The following COL14A1 variants were observed in gnomAD, a reference collection of about 807,000 sequenced individuals.
COL14A1 encodes the protein collagen type XIV alpha 1 chain.
In COL14A1, 136 loss-of-function variants were observed where a neutral mutation model predicts 230.3. The ratio of observed to expected loss-of-function variants is 0.59; its 90% CI spans 0.51 to 0.68. COL14A1 has a LOEUF of 0.68. Among genes scored for constraint, COL14A1 ranks in the 30% least tolerant of loss-of-function variants. The pLI, the probability that COL14A1 is intolerant of heterozygous loss-of-function variation, is 0.00. For synonymous variants in COL14A1, 792 were observed against 784.1 expected, an observed-to-expected ratio of 1.01 and a Z score of -0.17; for missense variants, 1,976 against 2,215.8, an observed-to-expected ratio of 0.89 and a Z score of 2.17.
At chr8:120,140,686 A>G (rs1814877450) in intron 1 of COL14A1, among the ~76,000 whole-genome samples, 3 of 152,194 alleles carry the variant, frequency 2.0e-5, no homozygotes, top group African/African-American at 7.2e-5. Flanking sequence ...CGTTAGGATA[A>G]ATATTTAAGG....
At chr8:120,200,840 C>T (rs1211520658) in intron 8 of COL14A1, among the ~76,000 whole-genome samples, 1 of 147,692 alleles carries the variant, frequency 6.8e-6, no homozygotes, top group African/African-American at 2.5e-5. Flanking sequence ...CAAGTACAGT[C>T]TAAGAACAGC....
At chr8:120,157,183 A>G (rs1183842455) in intron 2 of COL14A1, among the ~76,000 whole-genome samples, 1 of 152,190 alleles carries the variant, frequency 6.6e-6, no homozygotes, top group Non-Finnish European at 1.5e-5. Flanking sequence ...AAGATAAAAC[A>G]TTCTGGGCTG....
intron 19 of COL14A1, among the ~76,000 whole-genome samples, chr8:120,237,814 T>G (rs1818494865): frequency 6.6e-6 from 1 of 152,162 alleles, no homozygotes. Flanking sequence ...GTCCTTTTTG[T>G]TGATGTTGAT....
intron 1 of COL14A1, among the ~76,000 whole-genome samples, chr8:120,131,407 T>A (rs190787165): frequency 4.5e-4 from 69 of 151,964 alleles, no homozygotes; most frequent in Admixed American, 3.9e-3. Context: ...GCCATTCTGA[T>A]TGGTGTGAGA....
At position 120,345,519 on chromosome 8, in the gene COL14A1, G is replaced by C; in HGVS notation, c.5033G>C (p.Gly1678Ala). 6.3e-7 allele frequency: 1 copy of C among 1,576,390 alleles called. No homozygotes were observed. Among genetic ancestry groups the C allele is most frequent in the Non-Finnish European group, 8.6e-7 (1 of 1,166,798 alleles). The change falls in exon 45 of 48, where the codon GGC becomes GCC. Residue 1678 changes from glycine (G) to alanine (A), a missense_variant. Physicochemically the swap from Gly to Ala is moderately conservative, Grantham distance 60. Transcript: ENST00000297848. Reference protein sequence around the residue: ...PGEQGPPGTPGFPGNAGVPGT... With the variant: ...PGEQGPPGTPAFPGNAGVPGT... The stretch of plus-strand genomic sequence containing the variant: ...GAACAAGGACCCCCAGGCACACCAG[G>C]CTTCCCCGGAAATGCAGGCGTGCCA...
At chr8:120,213,857 T>C in intron 13 of COL14A1, 1 of 346,890 alleles carries the variant, frequency 2.9e-6, no homozygotes, top group Non-Finnish European at 5.5e-6. Flanking sequence ...TGTAATAGAA[T>C]TCCAGAAAAA....
chr8:120,244,517 T>A (rs1027439117), intron 20 of COL14A1, among the ~76,000 whole-genome samples: 7 of 152,156 alleles, frequency 4.6e-5, no homozygotes, highest in African/African-American at 1.4e-4. Flanking sequence ...CAATTGGTAG[T>A]CTCTTATCCC....
rs1404854499 is a variant in COL14A1 at position 120,266,838 on chromosome 8, A to G, written c.3028A>G (p.Thr1010Ala). ...CCTTTCCTTTACAGAATCACTTCCT[A>G]CACGACCACCAACTTTTCCTCCAAC... ...SIMEKTQSLP[T>A]RPPTFPPTIP... The change falls in exon 25 of 48, where the codon ACA (threonine) becomes GCA (alanine). Residue 1010 changes from threonine (T) to alanine (A), a missense_variant. Thr to Ala is a moderately conservative substitution (Grantham distance 58). Coordinates refer to ENST00000297848, the MANE Select transcript of COL14A1 (RefSeq NM_021110.4). The G allele has an allele frequency of 1.9e-6, 3 of 1,612,332 alleles. No homozygotes were observed. The highest frequency in any genetic ancestry group is 1.1e-5 in the South Asian group (1 of 91,010).
chr8:120,212,538 G>A lies in COL14A1; in HGVS notation c.1558G>A (p.Glu520Lys), dbSNP rs780795981. ...AGTCACAGTTTATGCCATGTTTGGA[G>A]AAGAGGCCAGTGATCCTGTTACGGG... The part of the protein sequence containing the change: ...YTVTVYAMFG[E>K]EASDPVTGQE... Residue 520 changes from glutamate to lysine, a missense_variant, in exon 13 of 48, where the codon GAA becomes AAA. By Grantham distance (56) the Glu-to-Lys change is moderately conservative (BLOSUM62 1). This residue lies in a region of COL14A1 where 1,791 missense variants were observed against 2,019.5 expected (regional missense o/e 0.89). Coordinates refer to ENST00000297848, the MANE Select transcript of COL14A1 (RefSeq NM_021110.4). 3.7e-6 allele frequency: 6 copies of A among 1,613,604 alleles called. No homozygotes were observed. In the African/African-American group the frequency reaches 4.0e-5, roughly 11 times the overall value.
chr8:120,303,976 T>C (rs1820789993), intron 36 of COL14A1, among the ~76,000 whole-genome samples: 1 of 152,134 alleles, frequency 6.6e-6, no homozygotes, highest in South Asian at 2.1e-4. Context: ...TGGGAGGGTG[T>C]ATGTGTCCAG....
chr8:120,291,425 G>A (rs7813754), intron 34 of COL14A1, among the ~76,000 whole-genome samples: 2,341 of 151,710 alleles, frequency 0.015, 59 homozygotes, highest in African/African-American at 0.053. Flanking sequence ...GCCGGATGTG[G>A]TGGCACGCAC....
intron 1 of COL14A1, among the ~76,000 whole-genome samples, chr8:120,132,943 C>T (rs930120043): frequency 1.3e-5 from 2 of 152,096 alleles, no homozygotes; most frequent in African/African-American, 4.8e-5. Context: ...TCCGGCCGGG[C>T]GCGGTGGCTC....
intron 7 of COL14A1, among the ~76,000 whole-genome samples, chr8:120,198,990 C>T (rs1817138206): frequency 6.6e-6 from 1 of 152,102 alleles, no homozygotes; most frequent in African/African-American, 2.4e-5. Flanking sequence ...CCCTTCTACT[C>T]CTAAAAAACA....
intron 8 of COL14A1, among the ~76,000 whole-genome samples, chr8:120,202,736 C>T (rs902736364): frequency 4.0e-5 from 6 of 151,810 alleles, no homozygotes; most frequent in East Asian, 1.9e-4. Context: ...CTTGGGGGCA[C>T]AGTGATCACA....
chr8:120,239,292 C>T (rs1818546232), intron 19 of COL14A1, among the ~76,000 whole-genome samples: 1 of 152,138 alleles, frequency 6.6e-6, no homozygotes, highest in South Asian at 2.1e-4. Flanking sequence ...GCATTTCTTG[C>T]CCTCTGCTGC....
chr8:120,194,779 A>T (rs1470959181), intron 5 of COL14A1, among the ~76,000 whole-genome samples: 1 of 152,088 alleles, frequency 6.6e-6, no homozygotes, highest in Admixed American at 6.5e-5. Flanking sequence ...AAAGAAAACT[A>T]CTCTCCATTT....
intron 36 of COL14A1, among the ~76,000 whole-genome samples, chr8:120,307,610 A>G (rs1820893194): frequency 2.6e-5 from 4 of 152,348 alleles, no homozygotes; most frequent in South Asian, 4.1e-4. Context: ...TGAGTAAAGT[A>G]TATAAATAGA....
chr8:120,197,545 CAG>C (rs1817080319), intron 6 of COL14A1, among the ~76,000 whole-genome samples: 2 of 151,992 alleles, frequency 1.3e-5, no homozygotes, highest in Admixed American at 1.3e-4. Context: ...CAAACATGAT[CAG>C]AGTTTTTTTT....
intron 32 of COL14A1, among the ~76,000 whole-genome samples, chr8:120,285,463 CAAAAAAAAAA>C (rs1218052645): frequency 3.1e-5 from 2 of 65,000 alleles, no homozygotes; most frequent in Non-Finnish European, 5.6e-5. Flanking sequence ...GACTCCATCT[CAAAAAAAAAA>C]AAAAAAAAAA....
Sources: gnomAD v4.1 joint callset for allele counts (sites outside exome capture counted in the v4.1 genomes callset) on GRCh38, gnomAD v4.1.1 for gene constraint, gnomAD v4.1.1 regional missense constraint, MANE v1.5 for transcripts, NCBI Gene and HGNC (gene_info 2026-07-23, HGNC 2026-07-21) for gene names.